Variants in CBR4 observed in about 807,000 individuals in gnomAD.
The protein encoded by CBR4 is 3-oxoacyl-[acyl-carrier-protein] reductase.
Under a neutral mutation model 21.0 loss-of-function variants are expected in CBR4, and 22 were observed. The observed-to-expected ratio is 1.05, with a 90% CI of 0.75 to 1.50. The LOEUF (loss-of-function observed/expected upper bound fraction) is 1.50. Ranked by LOEUF, CBR4 falls within the 40% of genes most tolerant of loss-of-function variation. The probability of loss-of-function intolerance (pLI) is 0.00; values close to 1 mark genes in which losing one functional copy is unlikely to be tolerated. For synonymous variants in CBR4, 100 were observed against 104.4 expected, an observed-to-expected ratio of 0.96 and a Z score of 0.26; for missense variants, 302 against 286.3, an observed-to-expected ratio of 1.05 and a Z score of -0.40.
chr4:168,939,350 G>A (rs887592864), intron 2 of CBR4, among the ~76,000 whole-genome samples: 9 of 152,064 alleles, frequency 5.9e-5, no homozygotes, highest in Admixed American at 1.3e-4. Flanking sequence ...CATACTGAAC[G>A]GGAAAAAGCT....
At chr4:168,897,463 T>C (rs1044329208) in intron 2 of CBR4, among the ~76,000 whole-genome samples, 20 of 152,216 alleles carry the variant, frequency 1.3e-4, no homozygotes, top group African/African-American at 4.8e-4. Flanking sequence ...TTTTTTGTTT[T>C]GGAGACAGGG....
chr4:168,895,795 C>G (rs1034433281), intron 2 of CBR4, among the ~76,000 whole-genome samples: 1 of 152,086 alleles, frequency 6.6e-6, no homozygotes, highest in African/African-American at 2.4e-5. Context: ...AATATCTAGT[C>G]AAAATAAAAT....
chr4:168,997,627 T>A (rs1765268965), intron 4 of CBR4, among the ~76,000 whole-genome samples: 1 of 152,170 alleles, frequency 6.6e-6, no homozygotes, highest in Non-Finnish European at 1.5e-5. Context: ...TTAAAAAGAT[T>A]ATATCCTTTA....
chr4:168,944,522 GA>G (rs911641068), intron 2 of CBR4, among the ~76,000 whole-genome samples: 7 of 151,628 alleles, frequency 4.6e-5, no homozygotes, highest in Non-Finnish European at 8.8e-5. Context: ...GAAAAGAAAA[GA>G]AAAAAGTTTT....
At chr4:168,896,629 A>T in intron 2 of CBR4, 1 of 1,305,076 alleles carries the variant, frequency 7.7e-7, no homozygotes, top group South Asian at 1.3e-5. Context: ...TTCTCCTTCC[A>T]GTCTTTCTCT....
At chr4:168,987,559 T>G (rs1412488645), downstream of CBR4, 2 of 742,760 alleles carry the variant, frequency 2.7e-6, no homozygotes, top group African/African-American at 3.8e-5. Flanking sequence ...CTCTTATAGT[T>G]GCAGAGAAAG....
In CBR4 at chr4:168,989,304, T is replaced by G; in HGVS notation, c.*846A>C. ...AAAAACACATCCTAAGTTCATGAAA[T>G]CTGTGCGGTTCACTACTGTACCAGG... is the stretch of plus-strand genomic sequence containing the variant. On this transcript the variant is annotated 3_prime_UTR_variant, in exon 5 of 5. Transcript: ENST00000306193. The G allele has an allele frequency of 1.0e-6, 1 of 985,384 alleles. No individual in the cohort carries two copies. Among genetic ancestry groups the G allele is most frequent in the Non-Finnish European group, 1.2e-6 (1 of 829,892 alleles). 61.0% of individuals were successfully genotyped at this position (985,384 alleles called of 1,614,324 possible).
chr4:168,955,312 G>GA, intron 2 of CBR4, among the ~76,000 whole-genome samples: 1 of 152,246 alleles, frequency 6.6e-6, no homozygotes, highest in East Asian at 1.9e-4. Context: ...AATACCAAAT[G>GA]AATCAGAGAT....
intron 2 of CBR4, among the ~76,000 whole-genome samples, chr4:168,929,726 C>T (rs1002846907): frequency 3.3e-5 from 5 of 152,164 alleles, no homozygotes; most frequent in African/African-American, 9.7e-5. Context: ...CTCCCCAAGC[C>T]TCAGTTTCCT....
Position 168,998,576 on chromosome 4 carries a change from T to C in CBR4, c.535+3495A>G, listed in dbSNP as rs376121479. ...GGGTTTAGGATTTCTTTAAGGATGA[T>C]GAAAACGTTCTAAAATTTACTGTGG... On this transcript the variant is annotated intron_variant, in intron 4 of 4. Transcript: ENST00000306193. Among the ~76,000 whole-genome samples the C allele has an allele frequency of 5.9e-5, 9 of 152,302 alleles. No homozygotes were observed. In the East Asian group the frequency reaches 1.3e-3, roughly 23 times the overall value.
intron 2 of CBR4, chr4:168,916,053 T>A (rs1326063298): frequency 6.2e-7 from 1 of 1,605,736 alleles, no homozygotes; most frequent in Admixed American, 1.7e-5. Flanking sequence ...TGCTTGCATA[T>A]CCTATTGCCC....
intron 2 of CBR4, among the ~76,000 whole-genome samples, chr4:168,910,449 G>A (rs1370594370): frequency 6.6e-6 from 1 of 151,870 alleles, no homozygotes; most frequent in Non-Finnish European, 1.5e-5. Flanking sequence ...AAGGTATTTT[G>A]TTTTTCCTTT....
intron 2 of CBR4, 115 bp downstream of exon 2, chr4:169,007,521 T>C (rs566171986): frequency 9.9e-5 from 54 of 544,890 alleles, no homozygotes; most frequent in Admixed American, 8.1e-4. Flanking sequence ...TTTAAAATAG[T>C]TTTTTCTCCC....
At chr4:168,895,092 A>G (rs993849053) in intron 2 of CBR4, among the ~76,000 whole-genome samples, 5 of 152,156 alleles carry the variant, frequency 3.3e-5, no homozygotes, top group African/African-American at 1.2e-4. Context: ...ACAGTTAAAA[A>G]CCCACATATG....
In CBR4 at chr4:169,010,209, C is replaced by CAAA; in HGVS notation, c.-123_-121dup. On this transcript the variant is annotated 5_prime_UTR_variant, in exon 1 of 5. Coordinates refer to ENST00000306193, the MANE Select transcript of CBR4 (RefSeq NM_032783.5). ...AAAAAAGAAAAAAAAAGGCAAACCG[C>CAAA]AAAAAAAAATAACGCCGCTCGACAC... The CAAA allele has an allele frequency of 1.4e-6, 1 of 732,200 alleles. No homozygotes were observed. 45.4% of individuals were successfully genotyped at this position (732,200 alleles called of 1,614,324 possible). A position where few individuals can be genotyped will look rare whatever the true frequency, so the allele number is the denominator to read the frequency against.
intron 3 of CBR4, among the ~76,000 whole-genome samples, chr4:169,003,387 A>G (rs1730629279): frequency 6.6e-6 from 1 of 152,244 alleles, no homozygotes; most frequent in Admixed American, 6.5e-5. Context: ...GAATTGCTGC[A>G]ATCTTATGAT....
intron 4 of CBR4, among the ~76,000 whole-genome samples, chr4:168,998,143 T>C (rs1349112229): frequency 6.6e-6 from 1 of 152,180 alleles, no homozygotes; most frequent in Non-Finnish European, 1.5e-5. Flanking sequence ...ACTGAAACAC[T>C]TAAGGTATCC....
intron 3 of CBR4, among the ~76,000 whole-genome samples, chr4:169,004,065 T>C (rs1207890534): frequency 6.6e-6 from 1 of 151,978 alleles, no homozygotes; most frequent in African/African-American, 2.4e-5. Context: ...CTGCACATTG[T>C]GCACGGTACC....
rs960430324 is a variant in CBR4 at position 168,915,941 on chromosome 4, C to G, written n.170-21176G>C. The stretch of plus-strand genomic sequence containing the variant: ...CAGTGGAGACGAAAATGAACCAATT[C>G]AGGAGCGATTCTTCAGACCTCACTT... On this transcript the variant is annotated intron_variant and non_coding_transcript_variant, in intron 2 of 3. Coordinates refer to the CBR4 transcript ENST00000509108. 7.4e-6 allele frequency: 12 copies of G among 1,612,878 alleles called. No homozygotes were observed. The highest frequency in any genetic ancestry group is 1.0e-5 in the Non-Finnish European group (12 of 1,178,960).
Sources: gnomAD v4.1 joint callset for allele counts (sites outside exome capture counted in the v4.1 genomes callset) on GRCh38, gnomAD v4.1.1 for gene constraint, MANE v1.5 for transcripts, NCBI Gene and HGNC (gene_info 2026-07-23, HGNC 2026-07-21) for gene names.